The following GPI variants were observed in gnomAD, a reference collection of about 807,000 sequenced individuals.
GPI encodes D-hexose-6-phosphate anomerase.
In GPI, 56 loss-of-function variants were observed where a neutral mutation model predicts 75.8. That is an observed-to-expected ratio of 0.74 (90% CI 0.60 to 0.92). GPI has a LOEUF of 0.92. Ranked by LOEUF, GPI falls within the 40% of genes least tolerant of loss-of-function variation. The pLI is 0.00. For missense variants in GPI, 638 were observed against 741.0 expected (o/e 0.86, Z 1.61); for synonymous variants, 288 against 285.4 (o/e 1.01, Z -0.09).
intron 9 of GPI, among the ~76,000 whole-genome samples, chr19:34,386,216 ACC>A (rs2074732604): frequency 6.6e-6 from 1 of 152,134 alleles, no homozygotes; most frequent in Non-Finnish European, 1.5e-5. Context: ...TGGTCTGAGA[ACC>A]CAGGGTCAAG....
At chr19:34,392,191 AG>A (rs2074859657) in intron 9 of GPI, 1 of 52,818 alleles carries the variant, frequency 1.9e-5, no homozygotes. Context: ...ATTTCTGAGG[AG>A]GTTGGATCTG....
At position 34,400,407 on chromosome 19, in the gene GPI, C is replaced by G; in HGVS notation, c.*371C>G. On this transcript the variant is annotated 3_prime_UTR_variant, in exon 18 of 18. Coordinates refer to ENST00000356487, the MANE Select transcript of GPI (RefSeq NM_000175.5). ...CAGAGGGCAGGAGCGCTCAGCAGGACGCAGGCTGTGCCTCTGCGGACACTT... is the reference window on the plus strand; with the variant it reads ...CAGAGGGCAGGAGCGCTCAGCAGGAGGCAGGCTGTGCCTCTGCGGACACTT... 1 of 593,480 alleles carries G rather than the reference C, an allele frequency of 1.7e-6. No individual in the cohort carries two copies. The highest frequency in any genetic ancestry group is 3.0e-6 in the Non-Finnish European group (1 of 335,016). 36.8% of individuals were successfully genotyped at this position (593,480 alleles called of 1,614,324 possible). A position where few individuals can be genotyped will look rare whatever the true frequency, so the allele number is the denominator to read the frequency against.
chr19:34,374,451 G>T (rs2074502891), intron 4 of GPI, among the ~76,000 whole-genome samples: 1 of 152,106 alleles, frequency 6.6e-6, no homozygotes, highest in Non-Finnish European at 1.5e-5. Flanking sequence ...GATTGATTTT[G>T]TTCCTTCCAC....
At chr19:34,374,947 TA>T (rs1362255672) in intron 4 of GPI, among the ~76,000 whole-genome samples, 1 of 151,692 alleles carries the variant, frequency 6.6e-6, no homozygotes, top group Non-Finnish European at 1.5e-5. Context: ...AGGCTAGTTT[TA>T]AACTCTTGGC....
At chr19:34,364,416 C>G (rs1476829337), upstream of GPI, among the ~76,000 whole-genome samples, 1 of 148,194 alleles carries the variant, frequency 6.7e-6, no homozygotes, top group Non-Finnish European at 1.5e-5. Flanking sequence ...GAGTCTCACT[C>G]TGCCACCCAG....
At chr19:34,376,430 G>T (rs893739705) in intron 4 of GPI, among the ~76,000 whole-genome samples, 2 of 152,078 alleles carry the variant, frequency 1.3e-5, no homozygotes, top group African/African-American at 4.8e-5. Flanking sequence ...GGTGGCAGGT[G>T]CCTGTAATCC....
At chr19:34,399,153 T>G (rs1455785726) in intron 14 of GPI, 54 bp from the exon 15 acceptor site, 88 of 1,582,140 alleles carry the variant, frequency 5.6e-5, no homozygotes, top group Non-Finnish European at 7.5e-5. Context: ...GTCTTGTCCC[T>G]CTGCCTGAAG....
At chr19:34,379,880 A>C in intron 8 of GPI, 4 of 508,944 alleles carry the variant, frequency 7.9e-6, no homozygotes, top group East Asian at 3.6e-5. Context: ...ATCTCCCCAA[A>C]TGTGACATGC....
At chr19:34,360,169 G>A (rs2145301170), upstream of GPI, among the ~76,000 whole-genome samples, 1 of 152,176 alleles carries the variant, frequency 6.6e-6, no homozygotes, top group East Asian at 1.9e-4. Flanking sequence ...CCTGGCCTGG[G>A]GGCATGACCC....
intron 12 of GPI, among the ~76,000 whole-genome samples, chr19:34,394,759 G>A (rs1358292136): frequency 6.6e-6 from 1 of 151,752 alleles, no homozygotes; most frequent in Non-Finnish European, 1.5e-5. Flanking sequence ...TGTTTCCCAG[G>A]CAGGAGTGCA....
At chr19:34,363,969 C>A (rs934535281), upstream of GPI, among the ~76,000 whole-genome samples, 1 of 152,168 alleles carries the variant, frequency 6.6e-6, no homozygotes, top group African/African-American at 2.4e-5. Flanking sequence ...CCTGGAAAGT[C>A]CTGTGACCCC....
At chr19:34,365,001 C>T, upstream of GPI, 1 of 1,532,894 alleles carries the variant, frequency 6.5e-7, no homozygotes, top group Non-Finnish European at 8.7e-7. Context: ...CAGAGGCCAG[C>T]AAAGCGGCGG....
At chr19:34,381,258 A>G in intron 8 of GPI, 2 of 645,440 alleles carry the variant, frequency 3.1e-6, no homozygotes, top group South Asian at 1.7e-5. Context: ...CGTGCTGGTC[A>G]TGGACTGATC....
intron 4 of GPI, among the ~76,000 whole-genome samples, chr19:34,373,229 T>TA (rs1568330272): frequency 6.6e-6 from 1 of 151,778 alleles, no homozygotes; most frequent in Admixed American, 6.6e-5. Context: ...CTACTAAAAA[T>TA]ACAAACAAAA....
Position 34,396,335 on chromosome 19 carries a change from A to G in GPI, c.1097A>G (p.Lys366Arg). The change falls in exon 13 of 18, where the codon AAA becomes AGA. Residue 366 changes from lysine (K) to arginine (R), a missense_variant. Lys to Arg is a conservative substitution (Grantham distance 26). Coordinates refer to ENST00000356487, the MANE Select transcript of GPI (RefSeq NM_000175.5). Reference protein sequence around the residue: ...DMESNGKYITKSGTRVDHQTG... With the variant: ...DMESNGKYITRSGTRVDHQTG... ...GAGTCCAATGGGAAATACATCACCAAATCTGGAACCCGTGTGGACCACCAG... is the reference window on the plus strand; with the variant it reads ...GAGTCCAATGGGAAATACATCACCAGATCTGGAACCCGTGTGGACCACCAG... 6.2e-7 allele frequency: 1 copy of G among 1,614,196 alleles called. No homozygotes were observed. Among genetic ancestry groups the G allele is most frequent in the Non-Finnish European group, 8.5e-7 (1 of 1,180,018 alleles).
chr19:34,379,989 TG>T (rs545099475), intron 8 of GPI: 13,532 of 141,044 alleles, frequency 0.096, 3,436 homozygotes, highest in African/African-American at 0.29. Context: ...TGTGTGGTTT[TG>T]TTTTTTTTTT....
In GPI at chr19:34,396,283, T is replaced by A. The variant is rs1477412476; in HGVS notation, c.1063-18T>A. The A allele has an allele frequency of 6.2e-7, 1 of 1,613,932 alleles. No individual in the cohort carries two copies. The highest frequency in any genetic ancestry group is 1.7e-5 in the Admixed American group (1 of 60,026). ...TTCTTTCATTTTGCCAAGAACTGGG[T>A]TTCTGTTCCTTTTCCAGGGCGACAT... On this transcript the variant is annotated intron_variant, in intron 12 of 17. Coordinates refer to ENST00000356487, the MANE Select transcript of GPI (RefSeq NM_000175.5).
upstream of GPI, chr19:34,363,258 A>T (rs2074311128): frequency 6.6e-6 from 1 of 152,358 alleles, no homozygotes; most frequent in Admixed American, 6.6e-5. Flanking sequence ...GTGAGACAAG[A>T]TCGTGTCACT....
Position 34,399,631 on chromosome 19 carries a change from G to A in GPI, c.1474G>A (p.Ala492Thr), listed in dbSNP as rs773208058. ...LTPFMLGALVAMYEHKIFVQG... is the reference protein window; with the variant it reads ...LTPFMLGALVTMYEHKIFVQG... ...ACCATTCATGCTTGGAGCCTTGGTCGGTGAGTGAGTAGGGGAAAGGTCCTG... is the reference window on the plus strand; with the variant it reads ...ACCATTCATGCTTGGAGCCTTGGTCAGTGAGTGAGTAGGGGAAAGGTCCTG... Residue 492 changes from alanine to threonine, a missense_variant and splice_region_variant, in exon 16 of 18, where the codon GCC becomes ACC. Physicochemically the swap from Ala to Thr is moderately conservative, Grantham distance 58. Coordinates refer to ENST00000356487, the MANE Select transcript of GPI (RefSeq NM_000175.5). 5.0e-6 allele frequency: 8 copies of A among 1,613,980 alleles called. No homozygotes were observed. Among genetic ancestry groups the A allele is most frequent in the Non-Finnish European group, 6.8e-6 (8 of 1,179,978 alleles).
Sources: gnomAD v4.1 joint callset for allele counts (sites outside exome capture counted in the v4.1 genomes callset) on GRCh38, gnomAD v4.1.1 for gene constraint, MANE v1.5 for transcripts, NCBI Gene and HGNC (gene_info 2026-07-23, HGNC 2026-07-21) for gene names.